Variants in ATP8B4 observed in about 807,000 individuals in gnomAD.
ATP8B4 encodes ATPase phospholipid transporting 8B4 (putative).
A neutral mutation model predicts 145.6 loss-of-function variants in ATP8B4; 133 were observed. The observed-to-expected ratio is 0.91, with a 90% CI of 0.79 to 1.05. The LOEUF is 1.05. ATP8B4 is among the 50% of genes least tolerant of loss of function. The pLI, the probability that ATP8B4 is intolerant of heterozygous loss-of-function variation, is 0.00. For missense variants in ATP8B4, 1,458 were observed against 1,425.2 expected, an observed-to-expected ratio of 1.02 and a Z score of -0.37; for synonymous variants, 507 against 492.9, an observed-to-expected ratio of 1.03 and a Z score of -0.38.
At position 50,138,325 on chromosome 15, in the gene ATP8B4, GGTAGATAGATAGATAGATAGA is replaced by G; in HGVS notation, c.-42-31338_-42-31318del. Among the ~76,000 whole-genome samples the G allele has an allele frequency of 2.6e-5, 3 of 113,378 alleles. No individual in the cohort carries two copies. The East Asian group carries it at 7.5e-4, about 28-fold the overall frequency. 74.4% of individuals were successfully genotyped at this position (113,378 alleles called of 152,430 possible). A position where few individuals can be genotyped will look rare whatever the true frequency, so the allele number is the denominator to read the frequency against. On this transcript the variant is annotated intron_variant, in intron 1 of 3. Transcript: ENST00000558829. Reference sequence around the variant, plus strand: ...AGATACATATATAGATAGATAGATAGGTAGATAGATAGATAGATAGATAGATAGATAGATAGATAGATAGAT... The same window carrying G: ...AGATACATATATAGATAGATAGATAGTAGATAGATAGATAGATAGATAGAT...
intron 25 of ATP8B4, among the ~76,000 whole-genome samples, chr15:49,872,790 ATTGGAT>A (rs1311845775): frequency 5.5e-4 from 47 of 85,152 alleles, no homozygotes; most frequent in African/African-American, 2.0e-3. Context: ...GGGATCCTGG[ATTGGAT>A]CCTGGATTGG....
chr15:50,052,711 G>C (rs1030731140), intron 3 of ATP8B4, among the ~76,000 whole-genome samples: 1 of 152,144 alleles, frequency 6.6e-6, no homozygotes, highest in Non-Finnish European at 1.5e-5. Flanking sequence ...TAACGCAAAG[G>C]CCCTTAGGTA....
chr15:49,915,799 T>C (rs1346772472), intron 20 of ATP8B4, among the ~76,000 whole-genome samples: 2 of 151,916 alleles, frequency 1.3e-5, no homozygotes, highest in African/African-American at 4.8e-5. Context: ...ATGTGCAGTA[T>C]TTAGTCATAG....
chr15:49,974,927 C>T (rs8036322), intron 12 of ATP8B4, among the ~76,000 whole-genome samples: 111,897 of 152,078 alleles, frequency 0.74, 42,806 homozygotes, highest in East Asian at 1. Context: ...GATATGACAG[C>T]TACTACATCT....
Position 49,860,442 on chromosome 15 carries a change from T to C in ATP8B4, c.3331A>G (p.Arg1111Gly), listed in dbSNP as rs781221837. ...CGAGGCCTTCGGCTACTTGGAGGCC[T>C]TGCCTTCTTTTGAGCCTTCTGCCAC... ...RRWQKAQKKA[R>G]PPSSRRPRTR... is the part of the protein sequence containing the mutation. The change falls in exon 28 of 28, where the codon AGG becomes GGG. Residue 1111 changes from arginine to glycine, a missense_variant. By Grantham distance (125) the Arg-to-Gly change is moderately radical. Coordinates refer to ENST00000284509, the MANE Select transcript of ATP8B4 (RefSeq NM_024837.4). The C allele has an allele frequency of 6.2e-7, 1 of 1,612,898 alleles. No individual in the cohort carries two copies. Among genetic ancestry groups the C allele is most frequent in the Admixed American group, 1.7e-5 (1 of 59,766 alleles).
intron 23 of ATP8B4, among the ~76,000 whole-genome samples, chr15:49,891,359 T>TC (rs1476789148): frequency 6.6e-6 from 1 of 151,990 alleles, no homozygotes; most frequent in Non-Finnish European, 1.5e-5. Flanking sequence ...GGAGTCTCGC[T>TC]CCATCACCCA....
intron 2 of ATP8B4, among the ~76,000 whole-genome samples, chr15:50,104,843 G>A (rs2056581503): frequency 8.7e-6 from 1 of 115,072 alleles, no homozygotes; most frequent in African/African-American, 2.9e-5. Flanking sequence ...ATCAATCAAC[G>A]AGCAAATAAA....
At chr15:50,135,623 T>C (rs2044111036) in intron 1 of ATP8B4, among the ~76,000 whole-genome samples, 1 of 152,212 alleles carries the variant, frequency 6.6e-6, no homozygotes, top group Non-Finnish European at 1.5e-5. Context: ...AATGAGACTT[T>C]ACCTGGTGGC....
In ATP8B4 at chr15:50,157,493, GT is replaced by G. The variant is rs549680690; in HGVS notation, c.-43+24767del. On this transcript the variant is annotated intron_variant, in intron 1 of 3. Coordinates refer to the ATP8B4 transcript ENST00000558829. Reference sequence around the variant, plus strand: ...TTCAATAGCTTTTACGGTACAAATAGTTTTTGGTTACACGGATGAATTGTAC... The same window carrying G: ...TTCAATAGCTTTTACGGTACAAATAGTTTTGGTTACACGGATGAATTGTAC... 7.6e-4 allele frequency among the ~76,000 whole-genome samples: 115 copies of G among 152,250 alleles called. 2 individuals are homozygous for G. Among genetic ancestry groups the G allele is most frequent in the South Asian group, 2.7e-3 (13 of 4,818 alleles).
chr15:50,137,164 C>T (rs530177655), intron 1 of ATP8B4, among the ~76,000 whole-genome samples: 1 of 152,262 alleles, frequency 6.6e-6, no homozygotes, highest in Non-Finnish European at 1.5e-5. Context: ...GTCAATCTTC[C>T]CAAAAATACT....
At chr15:49,939,318 T>C (rs576413367) in intron 14 of ATP8B4, among the ~76,000 whole-genome samples, 1 of 152,018 alleles carries the variant, frequency 6.6e-6, no homozygotes, top group South Asian at 2.1e-4. Context: ...CAAAAGTTGG[T>C]TTTTTTGAAA....
intron 8 of ATP8B4, among the ~76,000 whole-genome samples, chr15:49,997,757 G>A (rs950591613): frequency 3.9e-5 from 6 of 152,090 alleles, no homozygotes; most frequent in African/African-American, 1.4e-4. Context: ...CAATGATGTA[G>A]GACAATATGA....
intron 25 of ATP8B4, among the ~76,000 whole-genome samples, chr15:49,875,140 C>A (rs2034212192): frequency 6.6e-6 from 1 of 152,214 alleles, no homozygotes; most frequent in Non-Finnish European, 1.5e-5. Context: ...ACATTTAATG[C>A]TTGTTACATG....
chr15:50,161,529 T>C (rs1392654788), intron 1 of ATP8B4, among the ~76,000 whole-genome samples: 1 of 152,126 alleles, frequency 6.6e-6, no homozygotes, highest in Non-Finnish European at 1.5e-5. Flanking sequence ...GTATCTGTTG[T>C]AAGTTTTTTT....
intron 20 of ATP8B4, among the ~76,000 whole-genome samples, chr15:49,916,264 C>T (rs2039727592): frequency 6.6e-6 from 1 of 152,094 alleles, no homozygotes; most frequent in Non-Finnish European, 1.5e-5. Context: ...AATATTATCT[C>T]TCAAACTTTA....
chr15:50,066,561 T>C (rs1010997656), intron 3 of ATP8B4, among the ~76,000 whole-genome samples: 2 of 152,170 alleles, frequency 1.3e-5, no homozygotes, highest in African/African-American at 2.4e-5. Context: ...TCCGGGGATG[T>C]GTTTCAACAT....
At chr15:50,126,440 T>A (rs1488407477) in intron 1 of ATP8B4, among the ~76,000 whole-genome samples, 2 of 152,082 alleles carry the variant, frequency 1.3e-5, no homozygotes, top group Admixed American at 1.3e-4. Context: ...GGGATCCCAA[T>A]CCAGATCCCA....
chr15:50,071,808 G>A (rs1032473002), intron 3 of ATP8B4, among the ~76,000 whole-genome samples: 3 of 152,112 alleles, frequency 2.0e-5, no homozygotes, highest in South Asian at 4.1e-4. Flanking sequence ...GGGATTTCTT[G>A]TCTCAAGAGC....
At chr15:50,016,459 T>C (rs1198783883) in intron 6 of ATP8B4, among the ~76,000 whole-genome samples, 1 of 152,174 alleles carries the variant, frequency 6.6e-6, no homozygotes, top group Non-Finnish European at 1.5e-5. Flanking sequence ...GGGAGCTTTA[T>C]GTATAAGAGG....
Sources: allele counts gnomAD v4.1 joint callset (sites outside exome capture counted in the v4.1 genomes callset), GRCh38; gene constraint gnomAD v4.1.1; transcripts MANE v1.5; gene names NCBI Gene and HGNC (gene_info 2026-07-23, HGNC 2026-07-21).